The following CMSS1 variants were observed in gnomAD, a reference collection of about 807,000 sequenced individuals.
CMSS1 encodes protein CMSS1.
CMSS1 carries 33 observed loss-of-function variants against 43.5 expected under a neutral mutation model. That is an observed-to-expected ratio of 0.76 (90% CI 0.57 to 1.01). The LOEUF is 1.01. CMSS1 is among the 50% of genes least tolerant of loss of function. The probability of loss-of-function intolerance (pLI) is 0.00; values close to 1 mark genes in which losing one functional copy is unlikely to be tolerated. For missense variants in CMSS1, 313 were observed against 326.4 expected, an observed-to-expected ratio of 0.96 and a Z score of 0.32; for synonymous variants, 115 against 117.2, an observed-to-expected ratio of 0.98 and a Z score of 0.12.
Position 100,064,810 on chromosome 3 carries a change from T to A in CMSS1, c.65-82163T>A, listed in dbSNP as rs192907956. Among the ~76,000 whole-genome samples, 1,103 of 149,048 alleles carry A rather than the reference T, an allele frequency of 7.4e-3. 18 individuals carry two copies. The highest frequency in any genetic ancestry group is 0.025 in the African/African-American group (1,017 of 40,146). ...TCAATTTGACAAACAGCTAATTTTTTAAGGAATTCAGCAGTTGGATTTCCA... is the reference window on the plus strand; with the variant it reads ...TCAATTTGACAAACAGCTAATTTTTAAAGGAATTCAGCAGTTGGATTTCCA... On this transcript the variant is annotated intron_variant, in intron 1 of 9. Coordinates refer to ENST00000421999, the MANE Select transcript of CMSS1 (RefSeq NM_032359.4).
intron 1 of CMSS1, among the ~76,000 whole-genome samples, chr3:99,831,694 A>G (rs1211302114): frequency 1.3e-5 from 2 of 152,242 alleles, no homozygotes; most frequent in South Asian, 2.1e-4. Context: ...TTTAGTGTTC[A>G]AAAATCTATG....
chr3:99,837,308 G>A (rs918265632), intron 1 of CMSS1, among the ~76,000 whole-genome samples: 2 of 152,028 alleles, frequency 1.3e-5, no homozygotes, highest in African/African-American at 4.8e-5. Context: ...GTTAGCTCCT[G>A]TTTATATAAA....
intron 1 of CMSS1, chr3:99,849,122 A>G: frequency 6.2e-7 from 1 of 1,614,082 alleles, no homozygotes; most frequent in Non-Finnish European, 8.5e-7. Flanking sequence ...CATGGAGTAG[A>G]CTGGCTGCAT....
chr3:100,160,333 G>A (rs2067012794), intron 2 of CMSS1, 97 bp from the exon 3 acceptor site: 1 of 666,118 alleles, frequency 1.5e-6, no homozygotes, highest in Admixed American at 2.6e-5. Flanking sequence ...ATACTCTGAA[G>A]AATACATGCA....
Position 99,876,115 on chromosome 3 carries a change from C to G in CMSS1, c.64+58072C>G, listed in dbSNP as rs1705503024. The G allele has an allele frequency of 4.1e-6, 4 of 986,266 alleles. No homozygotes were observed. In the Admixed American group the frequency reaches 2.5e-4, roughly 61 times the overall value. 61.1% of individuals were successfully genotyped at this position (986,266 alleles called of 1,614,324 possible). ...GGCCGGGCGGGGGCCGGGCCGGGGC[C>G]GCTGTAGTGCCGCGCTGCGAGCCGA... On this transcript the variant is annotated intron_variant, in intron 1 of 9. Transcript: ENST00000421999.
At chr3:100,074,021 A>G (rs2065805128) in intron 1 of CMSS1, among the ~76,000 whole-genome samples, 1 of 152,124 alleles carries the variant, frequency 6.6e-6, no homozygotes, top group African/African-American at 2.4e-5. Flanking sequence ...AGTAAAAGCA[A>G]GTCGTCTTCT....
intron 1 of CMSS1, chr3:99,848,411 C>G: frequency 6.2e-7 from 1 of 1,614,134 alleles, no homozygotes; most frequent in Non-Finnish European, 8.5e-7. Flanking sequence ...GTTCGGTTAT[C>G]CTGCAGTGGT....
chr3:100,035,909 G>C (rs2107273917), intron 1 of CMSS1, among the ~76,000 whole-genome samples: 1 of 152,258 alleles, frequency 6.6e-6, no homozygotes, highest in South Asian at 2.1e-4. Context: ...TCTATTATGT[G>C]ATTTGAACTT....
intron 1 of CMSS1, among the ~76,000 whole-genome samples, chr3:100,142,214 C>G (rs2066811055): frequency 6.6e-6 from 1 of 152,016 alleles, no homozygotes; most frequent in Non-Finnish European, 1.5e-5. Context: ...GCATAAGTGC[C>G]ACACATCTTT....
chr3:99,996,212 C>T (rs1240242305), intron 1 of CMSS1, among the ~76,000 whole-genome samples: 2 of 152,124 alleles, frequency 1.3e-5, no homozygotes, highest in African/African-American at 4.8e-5. Flanking sequence ...TCATCTCTCT[C>T]AAGTTCAAAG....
intron 1 of CMSS1, chr3:99,849,250 G>A (rs1353519971): frequency 1.2e-6 from 2 of 1,614,096 alleles, no homozygotes; most frequent in East Asian, 4.5e-5. Context: ...GTAATCAGGT[G>A]GTTCATTGTC....
chr3:100,041,854 GT>G (rs1366152509), intron 1 of CMSS1, among the ~76,000 whole-genome samples: 1 of 152,108 alleles, frequency 6.6e-6, no homozygotes, highest in Non-Finnish European at 1.5e-5. Context: ...CAACATGAAA[GT>G]ATATCACATG....
chr3:99,895,699 G>A (rs1182667927), intron 1 of CMSS1, among the ~76,000 whole-genome samples: 1 of 152,068 alleles, frequency 6.6e-6, no homozygotes, highest in East Asian at 1.9e-4. Context: ...ACTTCCACAT[G>A]TTGTCTTCCT....
At chr3:100,124,874 A>C (rs1301948848) in intron 1 of CMSS1, among the ~76,000 whole-genome samples, 1 of 144,502 alleles carries the variant, frequency 6.9e-6, no homozygotes, top group Non-Finnish European at 1.5e-5. Context: ...ATATGCGTTC[A>C]CATGTCAGGT....
In CMSS1 at chr3:100,040,130, A is replaced by T. The variant is rs577810870; in HGVS notation, c.65-106843A>T. The T allele has an allele frequency of 2.5e-3, 375 of 151,392 alleles. 4 individuals are homozygous for T. The highest frequency in any genetic ancestry group is 8.6e-3 in the African/African-American group (356 of 41,278). 9.4% of individuals were successfully genotyped at this position (151,392 alleles called of 1,614,324 possible). Reference sequence around the variant, plus strand: ...ATGAATCAATCCAAGCTGTCTGAATATTTTTTTTTCTTCCTGCACCCACAA... The same window carrying T: ...ATGAATCAATCCAAGCTGTCTGAATTTTTTTTTTTCTTCCTGCACCCACAA... On this transcript the variant is annotated intron_variant, in intron 1 of 9. Coordinates refer to ENST00000421999, the MANE Select transcript of CMSS1 (RefSeq NM_032359.4).
rs143667233 is a variant in CMSS1 at position 99,871,815 on chromosome 3, T to A, written c.64+53772T>A. On this transcript the variant is annotated intron_variant, in intron 1 of 9. Coordinates refer to ENST00000421999, the MANE Select transcript of CMSS1 (RefSeq NM_032359.4). Reference sequence around the variant, plus strand: ...CACCTCTCACCTTCCAAGTAGAGAGTGGGATTTGCCAGCCGGAGGACCTTT... The same window carrying A: ...CACCTCTCACCTTCCAAGTAGAGAGAGGGATTTGCCAGCCGGAGGACCTTT... Among the ~76,000 whole-genome samples the A allele has an allele frequency of 9.9e-5, 15 of 152,238 alleles. No homozygotes were observed. The East Asian group carries it at 2.7e-3, about 27-fold the overall frequency.
chr3:100,165,968 G>A (rs1405424385), intron 4 of CMSS1, among the ~76,000 whole-genome samples: 13 of 152,084 alleles, frequency 8.5e-5, no homozygotes, highest in Non-Finnish European at 1.9e-4. Flanking sequence ...ATATTAACTT[G>A]CACTTCTCTG....
At chr3:100,124,456 T>G (rs1039051385) in intron 1 of CMSS1, among the ~76,000 whole-genome samples, 2 of 152,142 alleles carry the variant, frequency 1.3e-5, no homozygotes, top group Non-Finnish European at 2.9e-5. Context: ...GGGGCAGAAA[T>G]GAGAATGATG....
rs775799851 is a variant in CMSS1 at position 99,849,823 on chromosome 3, A to G, written c.64+31780A>G. 1.9e-5 allele frequency: 31 copies of G among 1,611,688 alleles called. No individual in the cohort carries two copies. Among genetic ancestry groups the G allele is most frequent in the African/African-American group, 6.7e-5 (5 of 74,680 alleles). On this transcript the variant is annotated intron_variant, in intron 1 of 9. Coordinates refer to ENST00000421999, the MANE Select transcript of CMSS1 (RefSeq NM_032359.4). Reference sequence around the variant, plus strand: ...CTTAATCTTATTGTTTTCTTGGTGTAATGCTGTTGTGGATTTCCCAGAGTC... The same window carrying G: ...CTTAATCTTATTGTTTTCTTGGTGTGATGCTGTTGTGGATTTCCCAGAGTC...
Sources: allele counts gnomAD v4.1 joint callset (sites outside exome capture counted in the v4.1 genomes callset), GRCh38; gene constraint gnomAD v4.1.1; transcripts MANE v1.5; gene names NCBI Gene and HGNC (gene_info 2026-07-23, HGNC 2026-07-21).